ATAD2: variants seen among roughly 807,000 people sequenced by gnomAD.
ATAD2 encodes ATPase family AAA domain containing 2.
In ATAD2, 62 loss-of-function variants were observed where a neutral mutation model predicts 168.9. The observed-to-expected ratio is 0.37, with a 90% CI of 0.30 to 0.45. The LOEUF (loss-of-function observed/expected upper bound fraction) is 0.45, where lower values mean the gene tolerates loss of function less well. Among genes scored for constraint, ATAD2 ranks in the 20% least tolerant of loss-of-function variants. ATAD2 has a pLI of 1.00. For synonymous variants in ATAD2, 613 were observed against 571.6 expected, an observed-to-expected ratio of 1.07 and a Z score of -1.03; for missense variants, 1,419 against 1,667.8, an observed-to-expected ratio of 0.85 and a Z score of 2.60.
At chr8:123,368,675 C>T (rs745790900) in intron 8 of ATAD2, among the ~76,000 whole-genome samples, 2 of 152,148 alleles carry the variant, frequency 1.3e-5, no homozygotes, top group African/African-American at 4.8e-5. Context: ...GAAAATGCAT[C>T]TGTGATAGTA....
chr8:123,389,956 T>C (rs1320574347), intron 1 of ATAD2, among the ~76,000 whole-genome samples: 2 of 57,948 alleles, frequency 3.5e-5, no homozygotes, highest in Non-Finnish European at 6.2e-5. Context: ...CTATTACTAT[T>C]ATTTTATATA....
Position 123,328,227 on chromosome 8 carries a change from A to G in ATAD2, c.3831T>C (p.Ser1277=), listed in dbSNP as rs1229502486. ...TTTCATCAGAAATATGTATTATCTG[A>G]GAGCTAGAAGCATCTCCATTACAAG... ...KIACNGDASS[S]QIIHISDENE... is the part of the protein sequence containing the mutation. Residue 1277 remains serine, a synonymous_variant, in exon 25 of 28, where the codon TCT becomes TCC. Coordinates refer to ENST00000287394, the MANE Select transcript of ATAD2 (RefSeq NM_014109.4). 1.4e-6 allele frequency: 2 copies of G among 1,436,100 alleles called. No homozygotes were observed. The highest frequency in any genetic ancestry group is 3.5e-5 in the South Asian group (2 of 56,822). The allele number at this position is 1,436,100 out of a possible 1,614,324, so 89.0% of individuals were successfully genotyped here. A position where few individuals can be genotyped will look rare whatever the true frequency, so the allele number is the denominator to read the frequency against.
At chr8:123,336,300 GAC>G in intron 22 of ATAD2, 71 bp downstream of exon 22, 1 of 1,322,676 alleles carries the variant, frequency 7.6e-7, no homozygotes, top group Middle Eastern at 1.8e-4. Context: ...TATAGCACCT[GAC>G]ACAAAAATCA....
Position 123,359,586 on chromosome 8 carries a change from T to C in ATAD2, c.1257A>G (p.Leu419=), listed in dbSNP as rs771022876. The C allele has an allele frequency of 4.4e-6, 7 of 1,608,986 alleles. No homozygotes were observed. The highest frequency in any genetic ancestry group is 1.3e-5 in the African/African-American group (1 of 74,792). ...ASLADVDPMQ[L]DSSVRFDSVG... ...AAAACAGAGTACTCACTGAAGAATC[T>C]AGTTGCATTGGATCAACATCGGCAA... The change falls in exon 10 of 28, where the codon CTA becomes CTG. Residue 419 remains leucine (L), a synonymous_variant. Transcript: ENST00000287394.
chr8:123,361,617 G>A lies in ATAD2; in HGVS notation c.1079C>T (p.Ser360Leu), dbSNP rs761504959. 13 of 1,612,238 alleles carry A rather than the reference G, an allele frequency of 8.1e-6. No homozygotes were observed. Among genetic ancestry groups the A allele is most frequent in the East Asian group, 2.2e-5 (1 of 44,854 alleles). Residue 360 changes from serine (S) to leucine (L), a missense_variant, in exon 9 of 28, where the codon TCG (serine) becomes TTG (leucine). Around this residue, in one of 5 missense-constraint regions of ATAD2, gnomAD observed 146 missense variants for 188.3 expected, o/e 0.78. Coordinates refer to ENST00000287394, the MANE Select transcript of ATAD2 (RefSeq NM_014109.4). ...ATCTTCAGAGGAGGAAGATGAAGTCGAGTCACTACTGTGGATTGCATGCCT... is the reference window on the plus strand; with the variant it reads ...ATCTTCAGAGGAGGAAGATGAAGTCAAGTCACTACTGTGGATTGCATGCCT... ...RRRHAIHSSD[S>L]TSSSSSEDEQ...
intron 15 of ATAD2, 56 bp downstream of exon 15, chr8:123,348,127 G>T (rs1400567795): frequency 7.3e-7 from 1 of 1,367,744 alleles, no homozygotes; most frequent in Non-Finnish European, 1.0e-6. Context: ...AATATAACTT[G>T]TTTCATATTT....
chr8:123,398,155 AG>A (rs1441494018), upstream of ATAD2, among the ~76,000 whole-genome samples: 2 of 151,762 alleles, frequency 1.3e-5, no homozygotes, highest in African/African-American at 4.8e-5. Flanking sequence ...ACATATAAAA[AG>A]TATTTGTTGT....
chr8:123,398,201 T>C (rs1812941183), upstream of ATAD2, among the ~76,000 whole-genome samples: 2 of 150,594 alleles, frequency 1.3e-5, no homozygotes, highest in African/African-American at 4.9e-5. Flanking sequence ...GGAGTCCTGC[T>C]TTTTTTTTGA....
chr8:123,355,930 T>G (rs892864575), intron 13 of ATAD2, among the ~76,000 whole-genome samples: 1 of 152,142 alleles, frequency 6.6e-6, no homozygotes, highest in Non-Finnish European at 1.5e-5. Flanking sequence ...GGTTTACTTT[T>G]TTTTTGAGAG....
chr8:123,333,897 A>G lies in ATAD2; in HGVS notation c.3459T>C (p.Pro1153=), dbSNP rs1827845329. The G allele has an allele frequency of 1.2e-6, 2 of 1,613,944 alleles. No individual in the cohort carries two copies. Among genetic ancestry groups the G allele is most frequent in the Non-Finnish European group, 1.7e-6 (2 of 1,179,884 alleles). ...QNEKLKTPST[P]VACSTPAQLK... is the part of the protein sequence containing the mutation. ...ACTTACCAGGAGTGCTGCAAGCCAC[A>G]GGAGTACTCGGTGTCTTTAGCTTTT... is the stretch of plus-strand genomic sequence containing the variant. Residue 1153 remains proline (P), a synonymous_variant, in exon 24 of 28, where the codon CCT becomes CCC. Coordinates refer to ENST00000287394, the MANE Select transcript of ATAD2 (RefSeq NM_014109.4).
intron 9 of ATAD2, among the ~76,000 whole-genome samples, chr8:123,361,229 G>C (rs1293056759): frequency 6.6e-6 from 1 of 151,254 alleles, no homozygotes; most frequent in Non-Finnish European, 1.5e-5. Context: ...AGGCAGGAGA[G>C]TCGTGTGAAC....
In ATAD2 at chr8:123,396,212, G is replaced by A. The variant is rs1194988748; in HGVS notation, c.146C>T (p.Pro49Leu). 2.5e-6 allele frequency: 4 copies of A among 1,591,998 alleles called. No homozygotes were observed. The highest frequency in any genetic ancestry group is 2.6e-6 in the Non-Finnish European group (3 of 1,173,482). ...LRSAGAAQKK[P>L]AATTAKAGDG... Reference sequence around the variant, plus strand: ...GCCCGCTTTGGCTGTGGTCGCCGCGGGTTTCTTCTGCGCCGCGCCGGCCGA... The same window carrying A: ...GCCCGCTTTGGCTGTGGTCGCCGCGAGTTTCTTCTGCGCCGCGCCGGCCGA... Residue 49 changes from proline to leucine, a missense_variant, in exon 1 of 28, where the codon CCC (proline) becomes CTC (leucine). Transcript: ENST00000287394.
intron 1 of ATAD2, among the ~76,000 whole-genome samples, chr8:123,387,610 A>G (rs1043402449): frequency 6.6e-6 from 1 of 152,220 alleles, no homozygotes; most frequent in Non-Finnish European, 1.5e-5. Flanking sequence ...TTCTTTGGCT[A>G]AAATCTACTT....
chr8:123,346,753 A>G lies in ATAD2; in HGVS notation c.2213-3T>C, dbSNP rs979898782. 1.2e-5 allele frequency: 19 copies of G among 1,576,324 alleles called. No individual in the cohort carries two copies. The highest frequency in any genetic ancestry group is 2.7e-5 in the African/African-American group (2 of 72,826). ...TTCTAGCAGAGGACAAGAAATATCTATAAAACCAAAAAATTGTACATTAGT... is the reference window on the plus strand; with the variant it reads ...TTCTAGCAGAGGACAAGAAATATCTGTAAAACCAAAAAATTGTACATTAGT... On this transcript the variant is annotated splice_region_variant and splice_polypyrimidine_tract_variant and intron_variant, in intron 16 of 27. Coordinates refer to ENST00000287394, the MANE Select transcript of ATAD2 (RefSeq NM_014109.4).
chr8:123,363,600 A>T (rs767062339), intron 8 of ATAD2, among the ~76,000 whole-genome samples: 2 of 152,206 alleles, frequency 1.3e-5, no homozygotes, highest in Non-Finnish European at 2.9e-5. Context: ...ATCCAGTACA[A>T]GTCTGCAACT....
intron 17 of ATAD2, 26 bp downstream of exon 17, chr8:123,346,592 A>T: frequency 6.6e-7 from 1 of 1,504,672 alleles, no homozygotes; most frequent in South Asian, 1.3e-5. Context: ...ACATGCAAAA[A>T]ACATTGATTT....
rs71808201 is a variant in ATAD2, at chr8:123,378,701, CAAAAAAAAAAA to C, written c.320+1817_320+1827del. Reference sequence around the variant, plus strand: ...TGGGCAACAGAGCAAGACTGTGTCTCAAAAAAAAAAAAAAAAAAAAAAAATCAAAATTCCAT... The same window carrying C: ...TGGGCAACAGAGCAAGACTGTGTCTCAAAAAAAAAAAAATCAAAATTCCAT... On this transcript the variant is annotated intron_variant, in intron 2 of 27. Transcript: ENST00000287394. 8.2e-5 allele frequency among the ~76,000 whole-genome samples: 6 copies of C among 73,044 alleles called. No individual in the cohort carries two copies. The South Asian group carries it at 3.9e-3, about 48-fold the overall frequency. 47.9% of individuals were successfully genotyped at this position (73,044 alleles called of 152,430 possible).
chr8:123,402,052 G>C lies in ATAD2; in HGVS notation c.-2281-877C>G. On this transcript the variant is annotated intron_variant, in intron 1 of 28. Transcript: ENST00000521903. This position sits in a 1 kb window ranked among gnomAD's most constrained non-coding sequence, Gnocchi z 4.8. Reference sequence around the variant, plus strand: ...TCAAGTTTGAGAAGCGTACCATGTCGGCCCAGATTGAGGGTGGCGTCCATG... The same window carrying C: ...TCAAGTTTGAGAAGCGTACCATGTCCGCCCAGATTGAGGGTGGCGTCCATG... The C allele has an allele frequency of 6.6e-7, 1 of 1,506,358 alleles. No individual in the cohort carries two copies. Among genetic ancestry groups the C allele is most frequent in the Non-Finnish European group, 9.2e-7 (1 of 1,087,738 alleles). The allele number at this position is 1,506,358 out of a possible 1,614,324, so 93.3% of individuals were successfully genotyped here.
Position 123,376,002 on chromosome 8 carries a change from A to G in ATAD2, c.321-3316T>C, listed in dbSNP as rs550747049. On this transcript the variant is annotated intron_variant, in intron 2 of 27. Coordinates refer to ENST00000287394, the MANE Select transcript of ATAD2 (RefSeq NM_014109.4). ...GCACCTGTAATCCCAGCTACTCGGG[A>G]GGCTGAGGCAGAGAACTGCTTGAAC... Among the ~76,000 whole-genome samples, 171 of 152,184 alleles carry G rather than the reference A, an allele frequency of 1.1e-3. 1 individual carries two copies. Among genetic ancestry groups the G allele is most frequent in the Non-Finnish European group, 2.0e-3 (139 of 67,998 alleles).
Sources: gnomAD v4.1 joint callset for allele counts (sites outside exome capture counted in the v4.1 genomes callset) on GRCh38, gnomAD v4.1.1 for gene constraint, gnomAD v4.1.1 regional missense constraint, Gnocchi (gnomAD v3.1) non-coding constraint, MANE v1.5 for transcripts, NCBI Gene and HGNC (gene_info 2026-07-23, HGNC 2026-07-21) for gene names.